The following PTPRR variants were observed in gnomAD, a reference collection of about 807,000 sequenced individuals.
The protein encoded by PTPRR is protein tyrosine phosphatase receptor type R, also known as receptor-type tyrosine-protein phosphatase R.
PTPRR carries 38 observed loss-of-function variants against 77.2 expected under a neutral mutation model. That is an observed-to-expected ratio of 0.49 (90% CI 0.38 to 0.65). The LOEUF (loss-of-function observed/expected upper bound fraction) is 0.65, where lower values mean the gene tolerates loss of function less well. Among genes scored for constraint, PTPRR ranks in the 30% least tolerant of loss-of-function variants. The pLI is 0.00. For missense variants in PTPRR, 744 were observed against 799.2 expected, an observed-to-expected ratio of 0.93 and a Z score of 0.83; for synonymous variants, 299 against 283.1, an observed-to-expected ratio of 1.06 and a Z score of -0.57.
At chr12:70,862,971 A>G (rs1216565374) in intron 2 of PTPRR, among the ~76,000 whole-genome samples, 2 of 152,148 alleles carry the variant, frequency 1.3e-5, no homozygotes. Flanking sequence ...CAGATAAGAA[A>G]GCATAAAAGG....
At chr12:70,853,125 G>A (rs1405401178) in intron 2 of PTPRR, among the ~76,000 whole-genome samples, 1 of 152,172 alleles carries the variant, frequency 6.6e-6, no homozygotes, top group Non-Finnish European at 1.5e-5. Context: ...ACACAAAAGA[G>A]ATTATCATTA....
At chr12:70,675,277 T>G (rs1471745456) in intron 10 of PTPRR, among the ~76,000 whole-genome samples, 1 of 152,062 alleles carries the variant, frequency 6.6e-6, no homozygotes, top group Non-Finnish European at 1.5e-5. Context: ...AATTTGCAAG[T>G]TATTTGTTTA....
intron 2 of PTPRR, among the ~76,000 whole-genome samples, chr12:70,821,933 G>A (rs1201428941): frequency 6.6e-6 from 1 of 152,160 alleles, no homozygotes; most frequent in East Asian, 1.9e-4. Flanking sequence ...CAAAGTGCTG[G>A]GATTACAGGC....
intron 2 of PTPRR, among the ~76,000 whole-genome samples, chr12:70,828,423 G>A (rs1215510463): frequency 2.6e-5 from 4 of 152,122 alleles, no homozygotes; most frequent in African/African-American, 9.7e-5. Context: ...TTACATCTAA[G>A]TAGCCCTCTC....
At chr12:70,868,854 A>AT (rs1275482771) in intron 2 of PTPRR, among the ~76,000 whole-genome samples, 1 of 152,114 alleles carries the variant, frequency 6.6e-6, no homozygotes, top group East Asian at 1.9e-4. Flanking sequence ...TTATGCAGCC[A>AT]TAAAAAATGA....
intron 2 of PTPRR, among the ~76,000 whole-genome samples, chr12:70,810,664 T>C (rs965588024): frequency 1.3e-5 from 2 of 152,146 alleles, no homozygotes; most frequent in Non-Finnish European, 2.9e-5. Context: ...CTCTGATAAA[T>C]TGTTTGGAAG....
At chr12:70,728,090 T>C (rs953984547) in intron 6 of PTPRR, among the ~76,000 whole-genome samples, 1 of 151,608 alleles carries the variant, frequency 6.6e-6, no homozygotes, top group African/African-American at 2.4e-5. Context: ...AAATAATCCA[T>C]AGCTAGCCAT....
intron 10 of PTPRR, among the ~76,000 whole-genome samples, chr12:70,683,924 C>T (rs1887764226): frequency 6.6e-6 from 1 of 151,992 alleles, no homozygotes; most frequent in Non-Finnish European, 1.5e-5. Context: ...ATGTATATGC[C>T]AAGTATATTG....
chr12:70,687,016 C>T (rs917536564), intron 8 of PTPRR, among the ~76,000 whole-genome samples: 1 of 152,110 alleles, frequency 6.6e-6, no homozygotes, highest in Non-Finnish European at 1.5e-5. Flanking sequence ...TGTCATTGCA[C>T]TCATTGTTGA....
intron 6 of PTPRR, among the ~76,000 whole-genome samples, chr12:70,723,988 A>G (rs1025111718): frequency 2.6e-5 from 4 of 152,220 alleles, no homozygotes; most frequent in Admixed American, 6.5e-5. Flanking sequence ...CAAACACACA[A>G]AAAAAGATAC....
intron 2 of PTPRR, among the ~76,000 whole-genome samples, chr12:70,788,600 A>G (rs945631460): frequency 6.6e-6 from 1 of 152,174 alleles, no homozygotes; most frequent in Non-Finnish European, 1.5e-5. Flanking sequence ...TATGGTAGAT[A>G]TTTACTGTTA....
chr12:70,675,582 A>G (rs1480379465), intron 10 of PTPRR, among the ~76,000 whole-genome samples: 1 of 152,014 alleles, frequency 6.6e-6, no homozygotes, highest in East Asian at 1.9e-4. Flanking sequence ...AAATACTATC[A>G]TTATCCAGTA....
rs766146404 is a variant in PTPRR, at chr12:70,772,514, A to T, written c.358-7736T>A. Among the ~76,000 whole-genome samples the T allele has an allele frequency of 9.3e-4, 141 of 152,338 alleles. 2 individuals carry two copies. The highest frequency in any genetic ancestry group is 1.9e-3 in the South Asian group (9 of 4,824). Reference sequence around the variant, plus strand: ...AAATAAGTGATTGGAAACTGGATTAAATGCTCAATGCTATAGGAATCAGAG... The same window carrying T: ...AAATAAGTGATTGGAAACTGGATTATATGCTCAATGCTATAGGAATCAGAG... On this transcript the variant is annotated intron_variant, in intron 2 of 13. Transcript: ENST00000283228.
intron 2 of PTPRR, among the ~76,000 whole-genome samples, chr12:70,820,459 G>A (rs1339546272): frequency 6.6e-6 from 1 of 152,100 alleles, no homozygotes; most frequent in Non-Finnish European, 1.5e-5. Context: ...TCAGCCTCCC[G>A]AGTACTTGGG....
chr12:70,868,105 A>G (rs1892889645), intron 2 of PTPRR, among the ~76,000 whole-genome samples: 1 of 152,168 alleles, frequency 6.6e-6, no homozygotes, highest in East Asian at 1.9e-4. Context: ...CCTAGGCAAT[A>G]CCATTCACGA....
Position 70,684,251 on chromosome 12 carries a change from T to C in PTPRR, c.1373A>G (p.Lys458Arg). The change falls in exon 10 of 14, where the codon AAG becomes AGG. Residue 458 changes from lysine (K) to arginine (R), a missense_variant. Physicochemically the swap from Lys to Arg is conservative, Grantham distance 26. This residue lies in a region of PTPRR where 570 missense variants were observed against 573.2 expected (regional missense o/e 0.99). Coordinates refer to ENST00000283228, the MANE Select transcript of PTPRR (RefSeq NM_002849.4). Reference protein sequence around the residue: ...NANYIRGYSGKEKAFIATQGP... With the variant: ...NANYIRGYSGREKAFIATQGP... ...CTGCGTGGCAATGAAGGCTTTCTCC[T>C]TGCCACTGTAGCCCTAGATGGAGTA... 1 of 1,613,656 alleles carries C rather than the reference T, an allele frequency of 6.2e-7. No individual in the cohort carries two copies. The highest frequency in any genetic ancestry group is 8.5e-7 in the Non-Finnish European group (1 of 1,179,780).
rs114972891 is a variant in PTPRR, at chr12:70,915,811, A to G, written c.58+4522T>C. ...CATTCCAGAAGTGGCTAAGTGGACT[A>G]TGTGTGTTTTTTGTGGGTGTTAAGA... On this transcript the variant is annotated intron_variant, in intron 1 of 13. Transcript: ENST00000283228. 3.0e-3 allele frequency among the ~76,000 whole-genome samples: 460 copies of G among 152,326 alleles called. 2 individuals carry two copies. The highest frequency in any genetic ancestry group is 0.01 in the African/African-American group (435 of 41,578).
intron 1 of PTPRR, among the ~76,000 whole-genome samples, chr12:70,918,510 C>T (rs756045935): frequency 1.6e-4 from 24 of 152,126 alleles, no homozygotes; most frequent in Non-Finnish European, 3.1e-4. Flanking sequence ...TTTGGCAGAA[C>T]TCCAGGTAAA....
intron 6 of PTPRR, among the ~76,000 whole-genome samples, chr12:70,741,806 C>T (rs1475469987): frequency 6.6e-6 from 1 of 152,046 alleles, no homozygotes; most frequent in Admixed American, 6.5e-5. Flanking sequence ...CACCGCTGAG[C>T]CCTGGGAAGT....
Sources: gnomAD v4.1 joint callset for allele counts (sites outside exome capture counted in the v4.1 genomes callset) on GRCh38, gnomAD v4.1.1 for gene constraint, gnomAD v4.1.1 regional missense constraint, MANE v1.5 for transcripts, NCBI Gene and HGNC (gene_info 2026-07-23, HGNC 2026-07-21) for gene names.